Variants in HCN1 observed in about 807,000 individuals in gnomAD.
HCN1 encodes hyperpolarization activated cyclic nucleotide gated potassium channel 1.
In HCN1, 13 loss-of-function variants were observed where a neutral mutation model predicts 78.9. That is an observed-to-expected ratio of 0.16 (90% CI 0.11 to 0.26). The LOEUF (loss-of-function observed/expected upper bound fraction) is 0.26. HCN1 is among the 10% of genes least tolerant of loss of function. The pLI is 1.00. For missense variants in HCN1, 810 were observed against 1,154.3 expected, an observed-to-expected ratio of 0.70 and a Z score of 4.32; for synonymous variants, 552 against 455.5, an observed-to-expected ratio of 1.21 and a Z score of -2.70.
chr5:45,270,159 A>G (rs1381732954), intron 6 of HCN1, among the ~76,000 whole-genome samples: 1 of 152,190 alleles, frequency 6.6e-6, no homozygotes, highest in African/African-American at 2.4e-5. Flanking sequence ...ACAACTACAC[A>G]CATTCATATA....
At chr5:45,391,443 T>G (rs1424510744) in intron 4 of HCN1, among the ~76,000 whole-genome samples, 2 of 152,164 alleles carry the variant, frequency 1.3e-5, no homozygotes, top group Non-Finnish European at 1.5e-5. Context: ...AAACAGGATG[T>G]AACTTTTTTC....
chr5:45,642,437 T>G (rs1026780240), intron 2 of HCN1: 1 of 151,892 alleles, frequency 6.6e-6, no homozygotes, highest in Admixed American at 6.6e-5. Context: ...GTTTTTCAGT[T>G]GAACTAATTC....
intron 3 of HCN1, among the ~76,000 whole-genome samples, chr5:45,423,065 C>G (rs1740260594): frequency 6.6e-6 from 1 of 151,874 alleles, no homozygotes. Context: ...GTTCCTAACA[C>G]AAAGATAAAT....
chr5:45,598,953 T>C (rs1744565200), intron 2 of HCN1, among the ~76,000 whole-genome samples: 1 of 152,240 alleles, frequency 6.6e-6, no homozygotes, highest in South Asian at 2.1e-4. Flanking sequence ...GGAATGCTTT[T>C]ACACTGTTGG....
At chr5:45,560,234 C>T (rs1006998485) in intron 2 of HCN1, among the ~76,000 whole-genome samples, 3 of 151,928 alleles carry the variant, frequency 2.0e-5, no homozygotes, top group African/African-American at 7.3e-5. Context: ...CCAGGGTATA[C>T]GTATATAATG....
At chr5:45,290,023 T>G (rs1561090446) in intron 6 of HCN1, among the ~76,000 whole-genome samples, 1 of 151,984 alleles carries the variant, frequency 6.6e-6, no homozygotes, top group East Asian at 1.9e-4. Flanking sequence ...CCATGTCCTG[T>G]GGGAGGGACC....
At chr5:45,492,404 T>C (rs914594710) in intron 2 of HCN1, among the ~76,000 whole-genome samples, 1 of 144,810 alleles carries the variant, frequency 6.9e-6, no homozygotes, top group Non-Finnish European at 1.5e-5. Context: ...TATATATATA[T>C]ATATATATAT....
At chr5:45,410,533 T>TA (rs1360766809) in intron 3 of HCN1, among the ~76,000 whole-genome samples, 1 of 152,074 alleles carries the variant, frequency 6.6e-6, no homozygotes, top group Admixed American at 6.6e-5. Context: ...CTTACTTTAT[T>TA]AAAAAAGTAT....
chr5:45,630,931 A>G (rs1266030764), intron 2 of HCN1, among the ~76,000 whole-genome samples: 2 of 152,150 alleles, frequency 1.3e-5, no homozygotes, highest in Non-Finnish European at 2.9e-5. Flanking sequence ...AGTCCAATAT[A>G]TATTTATTAA....
rs1474819392 is a variant in HCN1 at position 45,497,234 on chromosome 5, T to G, written c.850-35227A>C. On this transcript the variant is annotated intron_variant, in intron 2 of 7. Coordinates refer to ENST00000303230, the MANE Select transcript of HCN1 (RefSeq NM_021072.4). ...CTATTAGGTCCACTTGGTGCAGAGC[T>G]GAGTTCAATTCCTGGGTATCCTTGT... 2.6e-5 allele frequency among the ~76,000 whole-genome samples: 4 copies of G among 152,294 alleles called. No individual in the cohort carries two copies. The East Asian group carries it at 7.7e-4, about 29-fold the overall frequency.
At chr5:45,296,397 A>G (rs867849422) in intron 6 of HCN1, among the ~76,000 whole-genome samples, 1 of 151,978 alleles carries the variant, frequency 6.6e-6, no homozygotes, top group South Asian at 2.1e-4. Flanking sequence ...AAAAAGTCTC[A>G]GATAATATTA....
At chr5:45,575,823 G>T (rs1743930363) in intron 2 of HCN1, 1 of 152,074 alleles carries the variant, frequency 6.6e-6, no homozygotes, top group South Asian at 2.1e-4. Context: ...TTTCATGACT[G>T]CTAACACAGC....
chr5:45,357,511 T>C (rs749881626), intron 4 of HCN1, among the ~76,000 whole-genome samples: 24 of 152,088 alleles, frequency 1.6e-4, no homozygotes, highest in Non-Finnish European at 3.5e-4. Context: ...TCCGCCTCCT[T>C]TTCGTTGATC....
intron 6 of HCN1, among the ~76,000 whole-genome samples, chr5:45,292,860 G>C (rs531645994): frequency 6.6e-6 from 1 of 151,846 alleles, no homozygotes; most frequent in African/African-American, 2.4e-5. Flanking sequence ...ACTGAGTGTT[G>C]TTCACACACT....
At chr5:45,488,972 C>G (rs769968377) in intron 2 of HCN1, among the ~76,000 whole-genome samples, 1 of 152,154 alleles carries the variant, frequency 6.6e-6, no homozygotes, top group Non-Finnish European at 1.5e-5. Flanking sequence ...CTGAATAAAA[C>G]AGTTGCTGAA....
In HCN1 at chr5:45,611,257, T is replaced by A. The variant is rs1744829633; in HGVS notation, c.849+33928A>T. Among the ~76,000 whole-genome samples, 3 of 147,622 alleles carry A rather than the reference T, an allele frequency of 2.0e-5. 1 individual carries two copies. In the South Asian group the frequency reaches 6.5e-4, roughly 32 times the overall value. On this transcript the variant is annotated intron_variant, in intron 2 of 7. Coordinates refer to ENST00000303230, the MANE Select transcript of HCN1 (RefSeq NM_021072.4). ...TGTAGAGATGAGATTTTTCTTTTTT[T>A]TTTATCTTTTTCTTTTTTTTTTTTT...
At chr5:45,389,278 A>T (rs1045001067) in intron 4 of HCN1, among the ~76,000 whole-genome samples, 4 of 151,938 alleles carry the variant, frequency 2.6e-5, no homozygotes, top group African/African-American at 9.7e-5. Flanking sequence ...TTCATGTCTT[A>T]CTTCTCATCT....
At chr5:45,658,883 G>A (rs1298585924) in intron 1 of HCN1, among the ~76,000 whole-genome samples, 4 of 148,202 alleles carry the variant, frequency 2.7e-5, no homozygotes, top group South Asian at 4.4e-4. Flanking sequence ...GGGGAGGGGC[G>A]CCCGCCATTG....
At chr5:45,561,147 T>C (rs921402935) in intron 2 of HCN1, among the ~76,000 whole-genome samples, 4 of 152,150 alleles carry the variant, frequency 2.6e-5, no homozygotes, top group African/African-American at 4.8e-5. Context: ...TACTTAAATA[T>C]AGGAAAGTTA....
Sources: allele counts gnomAD v4.1 joint callset (sites outside exome capture counted in the v4.1 genomes callset), GRCh38; gene constraint gnomAD v4.1.1; transcripts MANE v1.5; gene names NCBI Gene and HGNC (gene_info 2026-07-23, HGNC 2026-07-21).